UNC13C: variants seen among roughly 807,000 people sequenced by gnomAD.
The protein encoded by UNC13C is unc-13 homolog C.
A neutral mutation model predicts 245.4 loss-of-function variants in UNC13C; 174 were observed. The ratio of observed to expected loss-of-function variants is 0.71; its 90% CI spans 0.63 to 0.80. UNC13C has a LOEUF of 0.80. UNC13C is among the 30% of genes least tolerant of loss of function. The pLI is 0.00. For missense variants in UNC13C, 2,829 were observed against 2,602.9 expected, an observed-to-expected ratio of 1.09 and a Z score of -1.89; for synonymous variants, 992 against 895.1, an observed-to-expected ratio of 1.11 and a Z score of -1.93.
intron 19 of UNC13C, among the ~76,000 whole-genome samples, chr15:54,487,731 C>CA (rs1479532576): frequency 1.5e-5 from 2 of 136,464 alleles, no homozygotes; most frequent in Admixed American, 1.6e-4. Flanking sequence ...TGTGCCACTG[C>CA]ACTCCAGCCT....
At chr15:54,259,973 A>C (rs566117352) in intron 8 of UNC13C, among the ~76,000 whole-genome samples, 1 of 152,064 alleles carries the variant, frequency 6.6e-6, no homozygotes, top group Non-Finnish European at 1.5e-5. Flanking sequence ...AGGAGTTTGC[A>C]AGAATTTCAT....
At chr15:54,019,422 T>G (rs748518857) in intron 2 of UNC13C, among the ~76,000 whole-genome samples, 3 of 152,214 alleles carry the variant, frequency 2.0e-5, no homozygotes, top group Non-Finnish European at 2.9e-5. Flanking sequence ...GGTTTTGATG[T>G]GAAATAGTTC....
At chr15:53,845,357 G>C in the UNC13C span, among the ~76,000 whole-genome samples, 2 of 150,956 alleles carry the variant, frequency 1.3e-5, no homozygotes, top group Non-Finnish European at 2.9e-5. Flanking sequence ...AGAATGTTCA[G>C]CATGGAACAG....
At chr15:54,083,474 A>G (rs1161723618) in intron 2 of UNC13C, among the ~76,000 whole-genome samples, 1 of 152,158 alleles carries the variant, frequency 6.6e-6, no homozygotes, top group Non-Finnish European at 1.5e-5. Flanking sequence ...GCACAGGCTC[A>G]CTTTCTGCGC....
chr15:54,304,631 C>G (rs1487735538), intron 13 of UNC13C, among the ~76,000 whole-genome samples: 1 of 142,250 alleles, frequency 7.0e-6, no homozygotes, highest in Non-Finnish European at 1.5e-5. Flanking sequence ...TAAATTCTTT[C>G]TCTGTTCCTT....
At chr15:54,240,681 A>G (rs989052806) in intron 7 of UNC13C, among the ~76,000 whole-genome samples, 9 of 152,176 alleles carry the variant, frequency 5.9e-5, no homozygotes, top group Admixed American at 1.3e-4. Flanking sequence ...AGGCGCTATT[A>G]GGACTGATTG....
At chr15:54,266,564 C>T (rs1393191347) in intron 10 of UNC13C, among the ~76,000 whole-genome samples, 1 of 151,952 alleles carries the variant, frequency 6.6e-6, no homozygotes, top group Non-Finnish European at 1.5e-5. Context: ...GCTTCCGTTG[C>T]CATGCGATCA....
In UNC13C at chr15:54,012,809, C is replaced by T; in HGVS notation, c.-95C>T. The T allele has an allele frequency of 3.0e-6, 3 of 997,314 alleles. No individual in the cohort carries two copies. In the South Asian group the frequency reaches 4.9e-5, roughly 16 times the overall value. 61.8% of individuals were successfully genotyped at this position (997,314 alleles called of 1,614,324 possible). On this transcript the variant is annotated 5_prime_UTR_variant, in exon 2 of 33. Coordinates refer to ENST00000260323, the MANE Select transcript of UNC13C (RefSeq NM_001080534.3). ...CTGCTCTTTCCAGTGATTCACAGAA[C>T]TTCTGAACAGTGATGCTTGCCTTGG...
chr15:54,170,885 T>C (rs1414664994), intron 4 of UNC13C, among the ~76,000 whole-genome samples: 2 of 152,166 alleles, frequency 1.3e-5, no homozygotes, highest in African/African-American at 4.8e-5. Flanking sequence ...GTATAAGCCA[T>C]TGTTTCTGTG....
At chr15:54,598,388 C>A (rs1484637815) in intron 30 of UNC13C, among the ~76,000 whole-genome samples, 1 of 152,212 alleles carries the variant, frequency 6.6e-6, no homozygotes, top group African/African-American at 2.4e-5. Flanking sequence ...AGCCACCGCG[C>A]CCAGCCTGAA....
chr15:54,569,286 G>A (rs557665188), intron 30 of UNC13C, among the ~76,000 whole-genome samples: 13 of 151,964 alleles, frequency 8.6e-5, no homozygotes, highest in African/African-American at 2.9e-4. Context: ...GACGTCCCAC[G>A]GATAACAAAA....
chr15:54,039,482 A>G (rs1896723756), intron 2 of UNC13C, among the ~76,000 whole-genome samples: 1 of 152,180 alleles, frequency 6.6e-6, no homozygotes. Flanking sequence ...GAAAGTAAGG[A>G]AAAATAACCA....
chr15:54,431,688 A>C (rs1291270852), intron 19 of UNC13C, among the ~76,000 whole-genome samples: 1 of 151,654 alleles, frequency 6.6e-6, no homozygotes, highest in Non-Finnish European at 1.5e-5. Context: ...TTGGTAAAAA[A>C]CTTCTGTATA....
At chr15:54,343,816 T>A (rs910716706) in intron 17 of UNC13C, among the ~76,000 whole-genome samples, 2 of 151,908 alleles carry the variant, frequency 1.3e-5, no homozygotes, top group African/African-American at 4.8e-5. Context: ...CAAGGAAAAG[T>A]GGGAATTTAT....
At chr15:53,886,157 G>GA in the UNC13C span, among the ~76,000 whole-genome samples, 7 of 152,128 alleles carry the variant, frequency 4.6e-5, no homozygotes, top group Non-Finnish European at 8.8e-5. Context: ...GTATATATAA[G>GA]AAATGACACC....
At chr15:54,150,552 A>G (rs1015103025) in intron 4 of UNC13C, among the ~76,000 whole-genome samples, 1 of 152,218 alleles carries the variant, frequency 6.6e-6, no homozygotes, top group African/African-American at 2.4e-5. Context: ...AAACCCATGA[A>G]TCAAGAAGTG....
intron 10 of UNC13C, among the ~76,000 whole-genome samples, chr15:54,277,793 T>C (rs2036871660): frequency 6.6e-6 from 1 of 152,140 alleles, no homozygotes; most frequent in Non-Finnish European, 1.5e-5. Context: ...ATCACAAGGA[T>C]TGAGATGAAA....
intron 4 of UNC13C, among the ~76,000 whole-genome samples, chr15:54,216,151 A>G (rs2035032605): frequency 6.6e-6 from 1 of 151,984 alleles, no homozygotes; most frequent in African/African-American, 2.4e-5. Flanking sequence ...ACTAGAGGCA[A>G]AGGAGGGGTA....
chr15:54,254,066 G>A (rs1365272859), intron 8 of UNC13C, among the ~76,000 whole-genome samples: 1 of 152,200 alleles, frequency 6.6e-6, no homozygotes, highest in African/African-American at 2.4e-5. Flanking sequence ...CTGACATTAT[G>A]TTGAACTTAT....
Sources: allele counts gnomAD v4.1 joint callset (sites outside exome capture counted in the v4.1 genomes callset), GRCh38; gene constraint gnomAD v4.1.1; transcripts MANE v1.5; gene names NCBI Gene and HGNC (gene_info 2026-07-23, HGNC 2026-07-21).